Variants in SUN3 observed in about 807,000 individuals in gnomAD.
SUN3 encodes the protein SUN domain-containing protein 3.
A neutral mutation model predicts 48.2 loss-of-function variants in SUN3; 36 were observed. That is an observed-to-expected ratio of 0.75 (90% confidence interval 0.57 to 0.99). The LOEUF is 0.99. SUN3 is among the 50% of genes least tolerant of loss of function. SUN3 has a pLI of 0.00. For missense variants in SUN3, 419 were observed against 433.1 expected, an observed-to-expected ratio of 0.97 and a Z score of 0.29; for synonymous variants, 148 against 147.9, an observed-to-expected ratio of 1.00 and a Z score of 0.00.
At chr7:48,021,197 A>G (rs1239347570) in intron 2 of SUN3, among the ~76,000 whole-genome samples, 3 of 152,126 alleles carry the variant, frequency 2.0e-5, no homozygotes, top group South Asian at 2.1e-4. Context: ...TGGGAAAACT[A>G]GATATTCATA....
chr7:47,998,148 A>G (rs1789262702), intron 6 of SUN3, among the ~76,000 whole-genome samples: 1 of 152,240 alleles, frequency 6.6e-6, no homozygotes, highest in Non-Finnish European at 1.5e-5. Flanking sequence ...GAAATTGTCA[A>G]ACTTTGCCAG....
upstream of SUN3, among the ~76,000 whole-genome samples, chr7:48,032,360 T>C (rs1790266937): frequency 6.6e-6 from 1 of 152,242 alleles, no homozygotes; most frequent in South Asian, 2.1e-4. Context: ...CGTACATGTG[T>C]ATAAAACCAA....
At chr7:48,030,521 T>C (rs1790241278), upstream of SUN3, among the ~76,000 whole-genome samples, 1 of 152,244 alleles carries the variant, frequency 6.6e-6, no homozygotes, top group African/African-American at 2.4e-5. Context: ...TTCCTAATGG[T>C]AGCTTACTAT....
At chr7:47,991,671 T>C (rs541165650) in intron 8 of SUN3, among the ~76,000 whole-genome samples, 2 of 151,028 alleles carry the variant, frequency 1.3e-5, no homozygotes, top group Non-Finnish European at 2.9e-5. Context: ...GATGGCCAAA[T>C]GGCGCCTGGA....
At chr7:48,004,582 C>A (rs1363710509) in intron 6 of SUN3, among the ~76,000 whole-genome samples, 4 of 152,226 alleles carry the variant, frequency 2.6e-5, no homozygotes, top group African/African-American at 4.8e-5. Context: ...CAGAAGCTGG[C>A]CGCAAACAGA....
chr7:47,991,518 GC>G (rs1213428711), intron 8 of SUN3, among the ~76,000 whole-genome samples: 2 of 108,618 alleles, frequency 1.8e-5, no homozygotes, highest in Non-Finnish European at 3.9e-5. Flanking sequence ...TTAACCCAGG[GC>G]CCTCCTCCAG....
At chr7:48,005,624 T>C (rs191552513) in intron 6 of SUN3, among the ~76,000 whole-genome samples, 264 of 152,268 alleles carry the variant, frequency 1.7e-3, no homozygotes, top group African/African-American at 6.1e-3. Flanking sequence ...TCCCTAATAA[T>C]GCATTTAGAT....
intron 2 of SUN3, among the ~76,000 whole-genome samples, chr7:48,019,570 T>C (rs1203981339): frequency 6.6e-6 from 1 of 151,672 alleles, no homozygotes; most frequent in Non-Finnish European, 1.5e-5. Context: ...AAAGAGAAGA[T>C]ACAAATGAAA....
chr7:47,990,123 G>A (rs1411833223), intron 8 of SUN3, among the ~76,000 whole-genome samples: 1 of 152,100 alleles, frequency 6.6e-6, no homozygotes, highest in Non-Finnish European at 1.5e-5. Context: ...ATCAGTAAAA[G>A]AGGAAGGCCT....
chr7:48,016,248 C>A (rs1347914792), intron 3 of SUN3, among the ~76,000 whole-genome samples: 1 of 152,194 alleles, frequency 6.6e-6, no homozygotes, highest in Non-Finnish European at 1.5e-5. Flanking sequence ...GCACTCCCCA[C>A]TTCCCAAGCC....
At chr7:48,027,472 C>A (rs1371586263) in intron 1 of SUN3, among the ~76,000 whole-genome samples, 1 of 152,154 alleles carries the variant, frequency 6.6e-6, no homozygotes, top group Admixed American at 6.5e-5. Context: ...TCACATCTAA[C>A]CTTTTAAAAA....
chr7:48,005,879 T>G, intron 6 of SUN3, 90 bp downstream of exon 6: 5 of 639,488 alleles, frequency 7.8e-6, no homozygotes, highest in Non-Finnish European at 1.3e-5. Flanking sequence ...GATAAATATG[T>G]TTTCCTCATA....
intron 7 of SUN3, among the ~76,000 whole-genome samples, chr7:47,994,836 T>G (rs545778692): frequency 6.6e-6 from 1 of 152,160 alleles, no homozygotes; most frequent in Non-Finnish European, 1.5e-5. Context: ...ATGGTGGCAG[T>G]GGAGGTGACA....
chr7:48,025,734 A>G, intron 2 of SUN3, 143 bp downstream of exon 2: 1 of 457,822 alleles, frequency 2.2e-6, no homozygotes, highest in Non-Finnish European at 3.9e-6. Context: ...AAACAAACGA[A>G]AAAGCTTTGA....
intron 1 of SUN3, among the ~76,000 whole-genome samples, chr7:48,026,340 G>T (rs1790133344): frequency 6.6e-6 from 1 of 152,068 alleles, no homozygotes; most frequent in African/African-American, 2.4e-5. Context: ...TGGAAATTTT[G>T]TACTAAGCTA....
chr7:47,989,021 C>G, intron 8 of SUN3, 141 bp from the exon 9 acceptor site: 1 of 495,612 alleles, frequency 2.0e-6, no homozygotes, highest in East Asian at 3.1e-5. Context: ...ACCTATACAC[C>G]CAGAGGATAT....
In SUN3 at chr7:48,005,980, A is replaced by T; in HGVS notation, c.566T>A (p.Leu189Gln). 1 of 1,611,320 alleles carries T rather than the reference A, an allele frequency of 6.2e-7. No individual in the cohort carries two copies. Among genetic ancestry groups the T allele is most frequent in the Non-Finnish European group, 8.5e-7 (1 of 1,178,764 alleles). The stretch of plus-strand genomic sequence containing the variant: ...TTTTCTGTACTCACCGGCCGACTTC[A>T]GGGCATAATCAGCCATCTCGACTTG... ...EDQVEMADYA[L>Q]KSAGASIIEA... The change falls in exon 6 of 10, where the codon CTG becomes CAG. Residue 189 changes from leucine to glutamine, a missense_variant. Coordinates refer to ENST00000297325, the MANE Select transcript of SUN3 (RefSeq NM_001030019.2).
rs772397992 is a variant in SUN3 at position 48,028,947 on chromosome 7, A to G, written c.-9T>C. 1.9e-6 allele frequency: 3 copies of G among 1,613,722 alleles called. No homozygotes were observed. The highest frequency in any genetic ancestry group is 1.1e-5 in the South Asian group (1 of 91,062). On this transcript the variant is annotated 5_prime_UTR_variant, in exon 1 of 10. Coordinates refer to ENST00000297325, the MANE Select transcript of SUN3 (RefSeq NM_001030019.2). Reference sequence around the variant, plus strand: ...TTTGTTTTTCCACTCATGATCCCCTACCAAAGAACAAACAGCTGGTAGGAT... The same window carrying G: ...TTTGTTTTTCCACTCATGATCCCCTGCCAAAGAACAAACAGCTGGTAGGAT...
At chr7:48,023,565 A>G (rs1790058844) in intron 2 of SUN3, among the ~76,000 whole-genome samples, 1 of 152,334 alleles carries the variant, frequency 6.6e-6, no homozygotes, top group African/African-American at 2.4e-5. Flanking sequence ...GAAAAATGGC[A>G]GAAGTAAGTC....
Sources: gnomAD v4.1 joint callset for allele counts (sites outside exome capture counted in the v4.1 genomes callset) on GRCh38, gnomAD v4.1.1 for gene constraint, MANE v1.5 for transcripts, NCBI Gene and HGNC (gene_info 2026-07-23, HGNC 2026-07-21) for gene names.